TMED10: variants seen among roughly 807,000 people sequenced by gnomAD.
TMED10 encodes transmembrane emp24 domain-containing protein 10.
TMED10 carries 7 observed loss-of-function variants against 23.1 expected under a neutral mutation model. The ratio of observed to expected loss-of-function variants is 0.30; its 90% CI spans 0.17 to 0.57. The LOEUF (loss-of-function observed/expected upper bound fraction) is 0.57. TMED10 is among the 20% of genes least tolerant of loss of function. TMED10 has a pLI of 0.91. For synonymous variants in TMED10, 113 were observed against 106.9 expected (o/e 1.06, Z -0.35); for missense variants, 162 against 274.8 (o/e 0.59, Z 2.90).
At chr14:75,170,576 A>C (rs538064065) in intron 1 of TMED10, among the ~76,000 whole-genome samples, 1 of 152,306 alleles carries the variant, frequency 6.6e-6, no homozygotes, top group East Asian at 1.9e-4. Context: ...TAAAGAATGG[A>C]AACAACTGCC....
intron 4 of TMED10, 81 bp downstream of exon 4, chr14:75,135,679 A>G: frequency 1.9e-6 from 3 of 1,557,462 alleles, no homozygotes; most frequent in Non-Finnish European, 2.6e-6. Context: ...AAAACTGAGA[A>G]AAGGGTACAC....
At chr14:75,152,835 C>T (rs1001176528) in intron 1 of TMED10, among the ~76,000 whole-genome samples, 1 of 151,726 alleles carries the variant, frequency 6.6e-6, no homozygotes, top group Non-Finnish European at 1.5e-5. Flanking sequence ...GAGTTCAAGA[C>T]CTGGCTGGGC....
In TMED10 at chr14:75,144,478, A is replaced by G. The variant is rs183143098; in HGVS notation, c.411+3186T>C. Among the ~76,000 whole-genome samples, 290 of 152,350 alleles carry G rather than the reference A, an allele frequency of 1.9e-3. 1 individual carries two copies. Among genetic ancestry groups the G allele is most frequent in the Admixed American group, 0.018 (283 of 15,300 alleles). On this transcript the variant is annotated intron_variant, in intron 3 of 4. Coordinates refer to ENST00000303575, the MANE Select transcript of TMED10 (RefSeq NM_006827.6). The stretch of plus-strand genomic sequence containing the variant: ...AGTATGACAAGCATTCTGTCTTCCA[A>G]ATAATATCATCTTACATTTGTATTG...
At chr14:75,155,576 T>A (rs1412348928) in intron 1 of TMED10, among the ~76,000 whole-genome samples, 7 of 152,236 alleles carry the variant, frequency 4.6e-5, no homozygotes, top group Admixed American at 6.5e-5. Flanking sequence ...CAATTTTTAT[T>A]TGCCAATTAT....
intron 1 of TMED10, 130 bp downstream of exon 1, chr14:75,176,225 A>C (rs997854174): frequency 1.7e-6 from 2 of 1,161,414 alleles, no homozygotes; most frequent in African/African-American, 1.5e-5. Context: ...GCTCCACCGC[A>C]CGTCCTTTGC....
At chr14:75,142,125 T>C (rs1310896088) in intron 3 of TMED10, among the ~76,000 whole-genome samples, 1 of 152,204 alleles carries the variant, frequency 6.6e-6, no homozygotes, top group African/African-American at 2.4e-5. Flanking sequence ...TATTCTACTC[T>C]CCTTCATCAC....
intron 1 of TMED10, among the ~76,000 whole-genome samples, chr14:75,168,661 C>T (rs1179969520): frequency 1.3e-5 from 2 of 152,176 alleles, no homozygotes; most frequent in Non-Finnish European, 2.9e-5. Flanking sequence ...CCCACATAAC[C>T]TTTAAATGGT....
At chr14:75,136,350 G>A (rs751592726) in intron 3 of TMED10, among the ~76,000 whole-genome samples, 3 of 152,026 alleles carry the variant, frequency 2.0e-5, no homozygotes, top group Non-Finnish European at 2.9e-5. Context: ...CTAGAGATGG[G>A]GTTTTGCCAT....
At chr14:75,138,580 C>CCTTA (rs1895781556) in intron 3 of TMED10, among the ~76,000 whole-genome samples, 2 of 152,252 alleles carry the variant, frequency 1.3e-5, no homozygotes, top group African/African-American at 4.8e-5. Context: ...ACAAGCTGAA[C>CCTTA]CTTAGTCTAA....
chr14:75,135,158 C>A, intron 4 of TMED10, 152 bp from the exon 5 acceptor site: 3 of 1,044,248 alleles, frequency 2.9e-6, no homozygotes, highest in Non-Finnish European at 4.0e-6. Context: ...TTTTTAAGTT[C>A]ATTATCCTGG....
rs1018050538 is a variant in TMED10 at position 75,158,236 on chromosome 14, G to A, written c.226-6093C>T. 5.9e-5 allele frequency among the ~76,000 whole-genome samples: 9 copies of A among 152,176 alleles called. No individual in the cohort carries two copies. The South Asian group carries it at 1.7e-3, about 28-fold the overall frequency. On this transcript the variant is annotated intron_variant, in intron 1 of 4. Coordinates refer to ENST00000303575, the MANE Select transcript of TMED10 (RefSeq NM_006827.6). ...GTTAGCATCAGCTAAACAATCAAGG[G>A]AAATTTAGCCTTGAAGATTCTTAAA... is the stretch of plus-strand genomic sequence containing the variant.
chr14:75,152,177 A>G (rs1279873511), intron 1 of TMED10, 34 bp from the exon 2 acceptor site: 5 of 1,546,166 alleles, frequency 3.2e-6, no homozygotes, highest in Non-Finnish European at 4.5e-6. Flanking sequence ...ATAGGCAGCA[A>G]ATAACACTCA....
At position 75,164,552 on chromosome 14, in the gene TMED10, TATATATATATATATATATATATA is replaced by T. The variant is rs1333959934; in HGVS notation, c.225+11780_225+11802del. 4.8e-3 allele frequency among the ~76,000 whole-genome samples: 23 copies of T among 4,836 alleles called. 1 individual carries two copies. Among genetic ancestry groups the T allele is most frequent in the South Asian group, 5.8e-3 (1 of 172 alleles). 3.2% of individuals were successfully genotyped at this position (4,836 alleles called of 152,430 possible). On this transcript the variant is annotated intron_variant, in intron 1 of 4. Coordinates refer to ENST00000303575, the MANE Select transcript of TMED10 (RefSeq NM_006827.6). ...GGCCTAATATATATATATATATATA[TATATATATATATATATATATATA>T]TATTTTTTTTTTTTTTTTTGTATTT...
chr14:75,143,466 G>A (rs1200070809), intron 3 of TMED10, among the ~76,000 whole-genome samples: 1 of 152,052 alleles, frequency 6.6e-6, no homozygotes, highest in Non-Finnish European at 1.5e-5. Context: ...TAACCTCTAG[G>A]GAATCTCTAA....
At chr14:75,143,515 A>T (rs1176836896) in intron 3 of TMED10, among the ~76,000 whole-genome samples, 2 of 152,218 alleles carry the variant, frequency 1.3e-5, no homozygotes, top group Non-Finnish European at 2.9e-5. Context: ...CCAAGAGAGA[A>T]GCTTCTTGTG....
chr14:75,147,701 T>A lies in TMED10; in HGVS notation c.374A>T (p.Asp125Val), dbSNP rs770069454. The A allele has an allele frequency of 1.2e-6, 2 of 1,614,044 alleles. No homozygotes were observed. The highest frequency in any genetic ancestry group is 3.3e-5 in the Admixed American group (2 of 59,996). The change falls in exon 3 of 5, where the codon GAC (aspartate) becomes GTC (valine). Residue 125 changes from aspartate to valine, a missense_variant. Around this residue, in one of 2 missense-constraint regions of TMED10, gnomAD observed 126 missense variants for 239.5 expected, o/e 0.53. Coordinates refer to ENST00000303575, the MANE Select transcript of TMED10 (RefSeq NM_006827.6). ...TTTCGCCTCCACTCCATGCTTCATG[T>A]CTAGGATCACGAGTTGGTCAGGTAT... ...GRIPDQLVIL[D>V]MKHGVEAKNY...
intron 3 of TMED10, among the ~76,000 whole-genome samples, chr14:75,138,015 A>G (rs1158708563): frequency 6.6e-6 from 1 of 152,024 alleles, no homozygotes; most frequent in Non-Finnish European, 1.5e-5. Flanking sequence ...GGCCTTAATA[A>G]TTCTGTTTAT....
At chr14:75,140,824 C>T (rs1040731848) in intron 3 of TMED10, among the ~76,000 whole-genome samples, 3 of 152,100 alleles carry the variant, frequency 2.0e-5, no homozygotes, top group Non-Finnish European at 4.4e-5. Context: ...CTTTGGGAAG[C>T]CAAGGCAGGT....
intron 1 of TMED10, among the ~76,000 whole-genome samples, chr14:75,163,172 G>A (rs889815419): frequency 3.3e-5 from 5 of 152,078 alleles, no homozygotes; most frequent in African/African-American, 4.8e-5. Flanking sequence ...ATCCCAGGAG[G>A]TCAAGGCTGC....
Sources: gnomAD v4.1 joint callset for allele counts (sites outside exome capture counted in the v4.1 genomes callset) on GRCh38, gnomAD v4.1.1 for gene constraint, gnomAD v4.1.1 regional missense constraint, MANE v1.5 for transcripts, NCBI Gene and HGNC (gene_info 2026-07-23, HGNC 2026-07-21) for gene names.